The following ACY3 variants were observed in gnomAD, a reference collection of about 807,000 sequenced individuals.
ACY3 encodes aminoacylase 3, also known as N-acyl-aromatic-L-amino acid amidohydrolase (carboxylate-forming).
In ACY3, 20 loss-of-function variants were observed where a neutral mutation model predicts 24.6. The observed-to-expected ratio is 0.81, with a 90% CI of 0.57 to 1.18. The LOEUF (loss-of-function observed/expected upper bound fraction) is 1.18. ACY3 is among the 50% of genes most tolerant of loss of function. The pLI is 0.00. For synonymous variants in ACY3, 174 were observed against 188.4 expected, an observed-to-expected ratio of 0.92 and a Z score of 0.62; for missense variants, 423 against 426.8, an observed-to-expected ratio of 0.99 and a Z score of 0.08.
intron 3 of ACY3, among the ~76,000 whole-genome samples, 156 bp from the exon 4 acceptor site, chr11:67,646,043 T>C (rs978740207): frequency 6.6e-6 from 1 of 152,178 alleles, no homozygotes; most frequent in Admixed American, 6.5e-5. Flanking sequence ...CCCCTGCCCG[T>C]GGCCCTCTTG....
chr11:67,642,947 G>A lies in ACY3; in HGVS notation c.745-8C>T, dbSNP rs180803100. On this transcript the variant is annotated splice_region_variant and splice_polypyrimidine_tract_variant and intron_variant, in intron 7 of 7. Coordinates refer to ENST00000255082, the MANE Select transcript of ACY3 (RefSeq NM_080658.2). Reference sequence around the variant, plus strand: ...TGGCTGGAAGTCTCGGTCCTGGGAGGAGAGCCAAAGGCCAAGATTGCTGGG... The same window carrying A: ...TGGCTGGAAGTCTCGGTCCTGGGAGAAGAGCCAAAGGCCAAGATTGCTGGG... 107 of 1,611,870 alleles carry A rather than the reference G, an allele frequency of 6.6e-5. No individual in the cohort carries two copies. In the African/African-American group the frequency reaches 1.2e-3, roughly 19 times the overall value.
At chr11:67,649,930 G>A (rs1253379976) in intron 1 of ACY3, among the ~76,000 whole-genome samples, 4 of 149,446 alleles carry the variant, frequency 2.7e-5, no homozygotes, top group Non-Finnish European at 4.4e-5. Context: ...GTGAGCATGT[G>A]TGCGTGTGTG....
chr11:67,646,110 C>T (rs370824804), intron 3 of ACY3, among the ~76,000 whole-genome samples: 1 of 152,226 alleles, frequency 6.6e-6, no homozygotes, highest in Non-Finnish European at 1.5e-5. Flanking sequence ...TCCCACCTGC[C>T]TGCCCACTTG....
intron 1 of ACY3, among the ~76,000 whole-genome samples, chr11:67,649,511 C>T (rs1021003264): frequency 1.3e-5 from 2 of 151,978 alleles, no homozygotes; most frequent in Non-Finnish European, 2.9e-5. Context: ...AACAGCAGCC[C>T]CCAGTCCTGG....
At chr11:67,646,756 TG>T in intron 3 of ACY3, 51 bp downstream of exon 3, 1 of 1,557,628 alleles carries the variant, frequency 6.4e-7, no homozygotes, top group Non-Finnish European at 8.8e-7. Context: ...AGTTTTGTGG[TG>T]GGGACTCGGT....
Position 67,642,604 on chromosome 11 carries a change from G to C in ACY3, c.*120C>G. On this transcript the variant is annotated 3_prime_UTR_variant, in exon 8 of 8. Coordinates refer to ENST00000255082, the MANE Select transcript of ACY3 (RefSeq NM_080658.2). ...AAGGGAAATTGAGGCCAGGGGTTGG[G>C]GAGGCCTGGCAAGGAACATGGTGCA... The C allele has an allele frequency of 1.9e-6, 2 of 1,033,884 alleles. No homozygotes were observed. The highest frequency in any genetic ancestry group is 3.0e-6 in the Non-Finnish European group (2 of 669,890). 64.0% of individuals were successfully genotyped at this position (1,033,884 alleles called of 1,614,324 possible).
chr11:67,646,166 G>T (rs950369166), intron 3 of ACY3, among the ~76,000 whole-genome samples: 5 of 152,152 alleles, frequency 3.3e-5, no homozygotes, highest in African/African-American at 1.2e-4. Context: ...TGAGCACCAT[G>T]CTGGTCTCAC....
chr11:67,643,408 A>G (rs565829939), intron 7 of ACY3, among the ~76,000 whole-genome samples: 8 of 152,358 alleles, frequency 5.3e-5, no homozygotes, highest in Admixed American at 2.0e-4. Flanking sequence ...GGCTGGGCGC[A>G]GTGGCTCACG....
intron 1 of ACY3, among the ~76,000 whole-genome samples, chr11:67,649,991 G>C (rs1413499091): frequency 6.6e-6 from 1 of 152,208 alleles, no homozygotes; most frequent in Non-Finnish European, 1.5e-5. Flanking sequence ...TCCCTGACAG[G>C]CTGTGTGACC....
At position 67,642,807 on chromosome 11, in the gene ACY3, C is replaced by A. The variant is rs771927993; in HGVS notation, c.877G>T (p.Val293Phe). The A allele has an allele frequency of 1.2e-6, 2 of 1,614,120 alleles. No individual in the cohort carries two copies. Among genetic ancestry groups the A allele is most frequent in the East Asian group, 4.5e-5 (2 of 44,882 alleles). ...AACTTCTCAGTCTGGACAAAGGCAA[C>A]GCCCTTCTCATAGTAGGCAGCCTCG... ...INEAAYYEKG[V>F]AFVQTEKFTF... The change falls in exon 8 of 8, where the codon GTT (valine) becomes TTT (phenylalanine). Residue 293 changes from valine to phenylalanine, a missense_variant. Val to Phe is a conservative substitution (Grantham distance 50). Transcript: ENST00000255082.
In ACY3 at chr11:67,644,724, A is replaced by AC. The variant is rs764233133; in HGVS notation, c.744+35dup. 2.0e-5 allele frequency: 28 copies of AC among 1,435,176 alleles called. No individual in the cohort carries two copies. In the East Asian group the frequency reaches 5.8e-4, roughly 30 times the overall value. The allele number at this position is 1,435,176 out of a possible 1,614,324, so 88.9% of individuals were successfully genotyped here. On this transcript the variant is annotated intron_variant, in intron 7 of 7. Transcript: ENST00000255082. The stretch of plus-strand genomic sequence containing the variant: ...CCCCAAGGCTGTGGCCCCAGAAATC[A>AC]CCCCCCACCACACACACACACACAC...
At position 67,646,849 on chromosome 11, in the gene ACY3, C is replaced by A; in HGVS notation, c.195G>T (p.Val65=). The A allele has an allele frequency of 6.2e-7, 1 of 1,612,942 alleles. No individual in the cohort carries two copies. The highest frequency in any genetic ancestry group is 1.3e-5 in the African/African-American group (1 of 75,048). ...PAATSGCRRY[V]DHDLNRTFTS... ...TGAAGGTGCGGTTGAGGTCATGGTC[C>A]ACGTAGCGGCGGCAGCCGGATGTGG... Residue 65 remains valine, a synonymous_variant, in exon 3 of 8, where the codon GTG becomes GTT. Coordinates refer to ENST00000255082, the MANE Select transcript of ACY3 (RefSeq NM_080658.2).
chr11:67,644,969 G>C, intron 6 of ACY3, 76 bp downstream of exon 6: 1 of 1,583,994 alleles, frequency 6.3e-7, no homozygotes, highest in East Asian at 2.2e-5. Context: ...GCCTGCCTGT[G>C]AGCCTGGCTC....
At chr11:67,644,986 C>T (rs1454651502) in intron 6 of ACY3, 59 bp downstream of exon 6, 5 of 1,594,266 alleles carry the variant, frequency 3.1e-6, no homozygotes, top group African/African-American at 1.3e-5. Flanking sequence ...GCTCCCCAAC[C>T]CCTGAGCCAG....
chr11:67,645,452 A>G (rs1025168866), intron 4 of ACY3, 72 bp from the exon 5 acceptor site: 3 of 1,499,422 alleles, frequency 2.0e-6, no homozygotes, highest in Non-Finnish European at 2.7e-6. Flanking sequence ...AAGGTGTTGC[A>G]TGGAGGAAAC....
chr11:67,650,294 C>T (rs1024887776), intron 1 of ACY3, among the ~76,000 whole-genome samples: 3 of 152,190 alleles, frequency 2.0e-5, no homozygotes, highest in African/African-American at 7.2e-5. Context: ...TTGCAAGATG[C>T]AATCAGATCA....
In ACY3 at chr11:67,644,760, C is replaced by CA; in HGVS notation, c.743_744insT (p.Gln248HisfsTer26). 6.7e-7 allele frequency: 1 copy of CA among 1,482,376 alleles called. No homozygotes were observed. The highest frequency in any genetic ancestry group is 9.1e-7 in the Non-Finnish European group (1 of 1,097,402). 91.8% of individuals were successfully genotyped at this position (1,482,376 alleles called of 1,614,324 possible). On this transcript the variant is annotated frameshift_variant and splice_region_variant, in exon 7 of 8. Coordinates refer to ENST00000255082, the MANE Select transcript of ACY3 (RefSeq NM_080658.2). LOFTEE classifies it low-confidence loss of function (END_TRUNC). ...CACACACACACACACACACACACAC[C>CA]TGCAGCTGAGGATGCACAGTGCCTG... is the stretch of plus-strand genomic sequence containing the variant.
Position 67,642,660 on chromosome 11 carries a change from A to C in ACY3, c.*64T>G. ...GGTGGCAGAAGGGACCTCTGTGCTC[A>C]GAGCTGTGCCTCAGGACCCATCGTT... is the stretch of plus-strand genomic sequence containing the variant. On this transcript the variant is annotated 3_prime_UTR_variant, in exon 8 of 8. Coordinates refer to ENST00000255082, the MANE Select transcript of ACY3 (RefSeq NM_080658.2). The C allele has an allele frequency of 6.4e-7, 1 of 1,556,584 alleles. No homozygotes were observed. The highest frequency in any genetic ancestry group is 1.1e-5 in the South Asian group (1 of 89,740).
intron 2 of ACY3, among the ~76,000 whole-genome samples, 165 bp downstream of exon 2, chr11:67,647,351 C>G (rs148285353): frequency 6.6e-6 from 1 of 152,204 alleles, no homozygotes; most frequent in Non-Finnish European, 1.5e-5. Flanking sequence ...AAGAGGACTG[C>G]GCTCCTTTTT....
Sources: allele counts gnomAD v4.1 joint callset (sites outside exome capture counted in the v4.1 genomes callset), GRCh38; gene constraint gnomAD v4.1.1; transcripts MANE v1.5; gene names NCBI Gene and HGNC (gene_info 2026-07-23, HGNC 2026-07-21).